SAMD12: variants seen among roughly 807,000 people sequenced by gnomAD.
The protein encoded by SAMD12 is sterile alpha motif domain-containing protein 12.
SAMD12 carries 9 observed loss-of-function variants against 15.0 expected under a neutral mutation model. The observed-to-expected ratio is 0.60, with a 90% CI of 0.36 to 1.05. The LOEUF is 1.05. SAMD12 is among the 50% of genes least tolerant of loss of function. The pLI is 0.01. For missense variants in SAMD12, 230 were observed against 234.2 expected (o/e 0.98, Z 0.12); for synonymous variants, 86 against 90.1 (o/e 0.96, Z 0.25).
the SAMD12 span, among the ~76,000 whole-genome samples, chr8:118,144,570 G>T: frequency 5.3e-5 from 8 of 151,308 alleles, no homozygotes; most frequent in Non-Finnish European, 1.2e-4. Flanking sequence ...TAATTTTATT[G>T]AATTAATAAC....
intron 3 of SAMD12, among the ~76,000 whole-genome samples, chr8:118,419,621 C>T (rs1313574601): frequency 6.6e-6 from 1 of 152,156 alleles, no homozygotes; most frequent in Admixed American, 6.5e-5. Context: ...GGGAGAGAGG[C>T]TATTCTTTTA....
intron 4 of SAMD12, among the ~76,000 whole-genome samples, chr8:118,305,136 C>T (rs1486902149): frequency 2.1e-5 from 2 of 95,044 alleles, no homozygotes; most frequent in African/African-American, 1.0e-4. Context: ...GCAAAAGTGA[C>T]TCCCTGTCAA....
At chr8:118,447,919 G>A (rs1478881162) in intron 2 of SAMD12, among the ~76,000 whole-genome samples, 2 of 151,164 alleles carry the variant, frequency 1.3e-5, no homozygotes, top group Non-Finnish European at 2.9e-5. Context: ...TAGTAGAGAC[G>A]GGGTTTCACT....
chr8:118,326,832 T>G (rs1816588022), intron 4 of SAMD12, among the ~76,000 whole-genome samples: 1 of 152,234 alleles, frequency 6.6e-6, no homozygotes, highest in Non-Finnish European at 1.5e-5. Context: ...TGTTCCATTC[T>G]TTTGGGACAG....
At chr8:118,430,404 C>T (rs563701551) in intron 3 of SAMD12, among the ~76,000 whole-genome samples, 12 of 148,552 alleles carry the variant, frequency 8.1e-5, no homozygotes, top group Non-Finnish European at 1.6e-4. Flanking sequence ...CGCTCTGTTG[C>T]CAGGCTGGAG....
chr8:118,163,440 T>C, the SAMD12 span, among the ~76,000 whole-genome samples: 9 of 152,136 alleles, frequency 5.9e-5, no homozygotes, highest in Non-Finnish European at 1.3e-4. Flanking sequence ...AAGAGAAAAG[T>C]AGCAGGAGGG....
intron 2 of SAMD12, among the ~76,000 whole-genome samples, chr8:118,485,967 A>G (rs559327126): frequency 2.0e-5 from 3 of 152,218 alleles, no homozygotes; most frequent in Non-Finnish European, 4.4e-5. Flanking sequence ...TCATGAAGGT[A>G]GTTAACAGAA....
chr8:118,465,539 T>C (rs1586739167), intron 2 of SAMD12, among the ~76,000 whole-genome samples: 1 of 152,276 alleles, frequency 6.6e-6, no homozygotes, highest in East Asian at 1.9e-4. Context: ...TCTGTTTAAT[T>C]ATATATGACT....
chr8:118,449,947 C>T (rs17750111), intron 2 of SAMD12, among the ~76,000 whole-genome samples: 11,278 of 152,142 alleles, frequency 0.074, 600 homozygotes, highest in Non-Finnish European at 0.12. Flanking sequence ...CACGGTATCA[C>T]CTTATGTCTT....
exon 5 of SAMD12, chr8:118,189,948 A>G (rs1480104033): frequency 7.5e-6 from 1 of 133,596 alleles, no homozygotes; most frequent in African/African-American, 2.9e-5. Flanking sequence ...GCACAGAGGA[A>G]AAAAAAAAAA....
chr8:118,324,080 CTAACTTT>C (rs1453667771), intron 4 of SAMD12, among the ~76,000 whole-genome samples: 2 of 152,160 alleles, frequency 1.3e-5, no homozygotes, highest in African/African-American at 2.4e-5. Flanking sequence ...CCGATTCCTT[CTAACTTT>C]TATCTATGTG....
rs1827109328 is a variant in SAMD12, at chr8:118,574,886, A to G, written c.192+5829T>C. On this transcript the variant is annotated intron_variant, in intron 2 of 3. Transcript: ENST00000314727. Reference sequence around the variant, plus strand: ...AGACATTTTTGCTCCTTGAGCCAACAAATACAGATAGCCAAGAATTAGATC... The same window carrying G: ...AGACATTTTTGCTCCTTGAGCCAACGAATACAGATAGCCAAGAATTAGATC... Among the ~76,000 whole-genome samples, 4 of 152,222 alleles carry G rather than the reference A, an allele frequency of 2.6e-5. 1 individual carries two copies. Among genetic ancestry groups the G allele is most frequent in the Admixed American group, 2.6e-4 (4 of 15,276 alleles).
At chr8:118,151,655 C>A in the SAMD12 span, among the ~76,000 whole-genome samples, 1 of 151,624 alleles carries the variant, frequency 6.6e-6, no homozygotes, top group African/African-American at 2.4e-5. Context: ...GGTGAAACCT[C>A]ATCTCTACTA....
At chr8:118,571,192 G>A (rs1827001632) in intron 2 of SAMD12, among the ~76,000 whole-genome samples, 1 of 152,182 alleles carries the variant, frequency 6.6e-6, no homozygotes, top group Non-Finnish European at 1.5e-5. Flanking sequence ...ACCCAGAAAT[G>A]TAGAAGTGAC....
At chr8:118,407,645 T>C (rs533663821) in intron 3 of SAMD12, among the ~76,000 whole-genome samples, 2 of 152,300 alleles carry the variant, frequency 1.3e-5, no homozygotes, top group South Asian at 4.1e-4. Context: ...CTTTGACAAA[T>C]GTCATTTGGA....
At chr8:118,240,561 T>C (rs1812541078) in intron 4 of SAMD12, among the ~76,000 whole-genome samples, 1 of 152,158 alleles carries the variant, frequency 6.6e-6, no homozygotes, top group South Asian at 2.1e-4. Context: ...ATGGTATTTG[T>C]ACCCTAGGGT....
intron 2 of SAMD12, among the ~76,000 whole-genome samples, chr8:118,580,223 C>A (rs568183914): frequency 3.9e-5 from 6 of 152,274 alleles, no homozygotes; most frequent in African/African-American, 1.4e-4. Context: ...AATAAAATAT[C>A]AGCTATTACT....
chr8:118,538,732 A>C (rs921325872), intron 2 of SAMD12, among the ~76,000 whole-genome samples: 3 of 152,058 alleles, frequency 2.0e-5, no homozygotes, highest in African/African-American at 7.2e-5. Flanking sequence ...TCATCAACTC[A>C]CTTTACTTTT....
intron 4 of SAMD12, among the ~76,000 whole-genome samples, chr8:118,292,362 A>ACACACACACACACACACACC: frequency 6.6e-6 from 1 of 151,764 alleles, no homozygotes; most frequent in African/African-American, 2.4e-5. Flanking sequence ...ACACACACAC[A>ACACACACACACACACACACC]CACACACACA....
Sources: allele counts gnomAD v4.1 joint callset (sites outside exome capture counted in the v4.1 genomes callset), GRCh38; gene constraint gnomAD v4.1.1; transcripts MANE v1.5; gene names NCBI Gene and HGNC (gene_info 2026-07-23, HGNC 2026-07-21).